Variants in SH3PXD2B observed in about 807,000 individuals in gnomAD.
SH3PXD2B encodes SH3 and PX domain-containing protein 2B.
In SH3PXD2B, 37 loss-of-function variants were observed where a neutral mutation model predicts 73.1. That is an observed-to-expected ratio of 0.51 (90% confidence interval 0.39 to 0.67). The LOEUF (loss-of-function observed/expected upper bound fraction) is 0.67. SH3PXD2B is among the 30% of genes least tolerant of loss of function. The pLI, the probability that SH3PXD2B is intolerant of heterozygous loss-of-function variation, is 0.00. For missense variants in SH3PXD2B, 1,053 were observed against 1,197.8 expected (o/e 0.88, Z 1.78); for synonymous variants, 457 against 480.5 (o/e 0.95, Z 0.64).
chr5:172,385,078 C>T (rs916372667), intron 4 of SH3PXD2B, among the ~76,000 whole-genome samples: 5 of 152,152 alleles, frequency 3.3e-5, no homozygotes, highest in African/African-American at 9.7e-5. Flanking sequence ...TTCTGGTCCC[C>T]CTTCTTTTTC....
intron 6 of SH3PXD2B, among the ~76,000 whole-genome samples, chr5:172,368,431 G>A (rs1327585727): frequency 8.6e-6 from 1 of 116,310 alleles, no homozygotes; most frequent in Non-Finnish European, 1.7e-5. Context: ...ATATGTTTTG[G>A]TGCAAGGGGA....
At chr5:172,386,056 C>G (rs1270829743) in intron 4 of SH3PXD2B, among the ~76,000 whole-genome samples, 2 of 152,156 alleles carry the variant, frequency 1.3e-5, no homozygotes, top group East Asian at 1.9e-4. Context: ...GAGAGGAGAG[C>G]AAGTCCTGCT....
At chr5:172,400,482 A>C (rs1247479553) in intron 3 of SH3PXD2B, among the ~76,000 whole-genome samples, 1 of 151,678 alleles carries the variant, frequency 6.6e-6, no homozygotes, top group African/African-American at 2.4e-5. Flanking sequence ...AGATAAAGGC[A>C]TTACCCCCCT....
rs774915810 is a variant in SH3PXD2B at position 172,338,844 on chromosome 5, C to A, written c.2261G>T (p.Arg754Ile). The change falls in exon 13 of 13, where the codon AGA (arginine) becomes ATA (isoleucine). Residue 754 changes from arginine to isoleucine, a missense_variant. Physicochemically the swap from Arg to Ile is moderately conservative, Grantham distance 97. This residue lies in a region of SH3PXD2B where 587 missense variants were observed against 590.7 expected (regional missense o/e 0.99). Coordinates refer to ENST00000311601, the MANE Select transcript of SH3PXD2B (RefSeq NM_001017995.3). This position sits in a 1 kb window ranked among gnomAD's most constrained non-coding sequence, Gnocchi z 5.1. ...PVPLQEAPQQ[R>I]PVVPPRRPPP... ...TGGTCTGCGGGGTGGGACCACAGGTCTCTGCTGGGGAGCCTCTTGGAGAGG... is the reference window on the plus strand; with the variant it reads ...TGGTCTGCGGGGTGGGACCACAGGTATCTGCTGGGGAGCCTCTTGGAGAGG... 3 of 1,613,782 alleles carry A rather than the reference C, an allele frequency of 1.9e-6. No homozygotes were observed. In the Admixed American group the frequency reaches 5.0e-5, roughly 27 times the overall value.
intron 2 of SH3PXD2B, among the ~76,000 whole-genome samples, chr5:172,412,462 T>C (rs1160370129): frequency 1.3e-5 from 2 of 152,234 alleles, no homozygotes; most frequent in African/African-American, 4.8e-5. Flanking sequence ...GGCTGGACTA[T>C]CACAATATCC....
chr5:172,443,160 CTAA>C (rs1427207291), intron 1 of SH3PXD2B, among the ~76,000 whole-genome samples: 1 of 152,194 alleles, frequency 6.6e-6, no homozygotes, highest in African/African-American at 2.4e-5. Context: ...CGTGGTGGGT[CTAA>C]TGACACCGTA....
At chr5:172,390,125 A>C (rs1295641242) in intron 4 of SH3PXD2B, among the ~76,000 whole-genome samples, 1 of 152,252 alleles carries the variant, frequency 6.6e-6, no homozygotes, top group Non-Finnish European at 1.5e-5. Flanking sequence ...GTTGTGCAGC[A>C]ATCACCACAA....
intron 5 of SH3PXD2B, among the ~76,000 whole-genome samples, chr5:172,380,216 C>A (rs975376555): frequency 3.2e-5 from 4 of 125,348 alleles, no homozygotes; most frequent in African/African-American, 1.3e-4. Context: ...TACCACTATG[C>A]CCGGCTAATT....
downstream of SH3PXD2B, among the ~76,000 whole-genome samples, chr5:172,331,063 C>T (rs1216811118): frequency 2.6e-5 from 4 of 152,152 alleles, no homozygotes; most frequent in African/African-American, 9.7e-5. Flanking sequence ...GGCATGGTGG[C>T]CCACGCCTGT....
intron 1 of SH3PXD2B, among the ~76,000 whole-genome samples, chr5:172,444,335 G>A (rs1759613355): frequency 6.6e-6 from 1 of 152,202 alleles, no homozygotes; most frequent in South Asian, 2.1e-4. Flanking sequence ...ACTGGGTGCT[G>A]AGCTTTCCCC....
rs1756652830 is a variant in SH3PXD2B at position 172,334,967 on chromosome 5, G to A, written c.*3402C>T. The stretch of plus-strand genomic sequence containing the variant: ...GGTTTAAAATGACTACCGTAACCTG[G>A]CATGGGCTCCAGCGATCCCCCAGTA... On this transcript the variant is annotated 3_prime_UTR_variant, in exon 13 of 13. Transcript: ENST00000311601. 10 of 985,432 alleles carry A rather than the reference G, an allele frequency of 1.0e-5. No individual in the cohort carries two copies. Among genetic ancestry groups the A allele is most frequent in the Non-Finnish European group, 1.2e-5 (10 of 829,960 alleles). 61.0% of individuals were successfully genotyped at this position (985,432 alleles called of 1,614,324 possible).
Position 172,338,228 on chromosome 5 carries a change from C to G in SH3PXD2B, c.*141G>C, listed in dbSNP as rs1418984231. On this transcript the variant is annotated 3_prime_UTR_variant, in exon 13 of 13. Transcript: ENST00000311601. This position sits in a 1 kb window ranked among gnomAD's most constrained non-coding sequence, Gnocchi z 5.1. Reference sequence around the variant, plus strand: ...GAGGTGTCCGAAACTCACTCTCCACCCATGGGAGGCAAGAAGTCACAGTAC... The same window carrying G: ...GAGGTGTCCGAAACTCACTCTCCACGCATGGGAGGCAAGAAGTCACAGTAC... 1 of 1,551,180 alleles carries G rather than the reference C, an allele frequency of 6.4e-7. No individual in the cohort carries two copies. The highest frequency in any genetic ancestry group is 8.7e-7 in the Non-Finnish European group (1 of 1,149,990).
Position 172,339,049 on chromosome 5 carries a change from G to A in SH3PXD2B, c.2056C>T (p.Pro686Ser). The change falls in exon 13 of 13, where the codon CCC becomes TCC. Residue 686 changes from proline (P) to serine (S), a missense_variant. By Grantham distance (74) the Pro-to-Ser change is moderately conservative. Transcript: ENST00000311601. The surrounding 1 kb of genome is among the most constrained non-coding windows in gnomAD (Gnocchi z 6.1). The stretch of plus-strand genomic sequence containing the variant: ...ACGTCTTGGCCCCCTACTGCCTGGG[G>A]GCCCTCCCCATCCAACAAGGACTTG... ...QDKSLLDGEG[P>S]QAVGGQDVAF... 1 of 1,614,212 alleles carries A rather than the reference G, an allele frequency of 6.2e-7. No individual in the cohort carries two copies. Among genetic ancestry groups the A allele is most frequent in the Non-Finnish European group, 8.5e-7 (1 of 1,180,024 alleles).
In SH3PXD2B at chr5:172,333,631, T is replaced by C. The variant is rs994084804; in HGVS notation, c.*4738A>G. 7 of 1,288,830 alleles carry C rather than the reference T, an allele frequency of 5.4e-6. No homozygotes were observed. The highest frequency in any genetic ancestry group is 7.1e-6 in the Non-Finnish European group (7 of 988,736). The allele number at this position is 1,288,830 out of a possible 1,614,324, so 79.8% of individuals were successfully genotyped here. A position where few individuals can be genotyped will look rare whatever the true frequency, so the allele number is the denominator to read the frequency against. ...TTCTCACCCCTCCCCTCACATCCTATATACTCATTTATTTAATGTGTTAAA... is the reference window on the plus strand; with the variant it reads ...TTCTCACCCCTCCCCTCACATCCTACATACTCATTTATTTAATGTGTTAAA... On this transcript the variant is annotated 3_prime_UTR_variant, in exon 13 of 13. Coordinates refer to ENST00000311601, the MANE Select transcript of SH3PXD2B (RefSeq NM_001017995.3).
intron 6 of SH3PXD2B, among the ~76,000 whole-genome samples, chr5:172,367,830 T>G (rs553196435): frequency 2.6e-5 from 4 of 152,238 alleles, no homozygotes; most frequent in African/African-American, 7.2e-5. Context: ...TGGCTGGTGC[T>G]GCAGCAGCCA....
At chr5:172,422,352 T>C in intron 2 of SH3PXD2B, 64 bp downstream of exon 2, 1 of 1,414,492 alleles carries the variant, frequency 7.1e-7, no homozygotes, top group Non-Finnish European at 9.8e-7. Flanking sequence ...AAAGCTGTAG[T>C]GGAATGTAAG....
At chr5:172,425,508 A>G (rs1238786226) in intron 1 of SH3PXD2B, among the ~76,000 whole-genome samples, 1 of 152,110 alleles carries the variant, frequency 6.6e-6, no homozygotes, top group Non-Finnish European at 1.5e-5. Flanking sequence ...AGCTGAGGAA[A>G]GGGCGTACAG....
At chr5:172,374,575 G>A (rs540450342) in intron 5 of SH3PXD2B, among the ~76,000 whole-genome samples, 4 of 152,286 alleles carry the variant, frequency 2.6e-5, no homozygotes, top group East Asian at 1.9e-4. Flanking sequence ...CCAGCTACTC[G>A]GGAAGCTGAG....
At chr5:172,326,397 G>A (rs1240214538) in intron 12 of SH3PXD2B, among the ~76,000 whole-genome samples, 1 of 152,180 alleles carries the variant, frequency 6.6e-6, no homozygotes, top group Non-Finnish European at 1.5e-5. Context: ...GGAAATAACT[G>A]GATTGAACTA....
Sources: allele counts gnomAD v4.1 joint callset (sites outside exome capture counted in the v4.1 genomes callset), GRCh38; gene constraint gnomAD v4.1.1; regional missense constraint gnomAD v4.1.1; non-coding constraint Gnocchi (gnomAD v3.1); transcripts MANE v1.5; gene names NCBI Gene and HGNC (gene_info 2026-07-23, HGNC 2026-07-21).